The following LYPD6B variants were observed in gnomAD, a reference collection of about 807,000 sequenced individuals.
LYPD6B encodes LY6/PLAUR domain containing 6B.
A neutral mutation model predicts 22.8 loss-of-function variants in LYPD6B; 17 were observed. The observed-to-expected ratio is 0.75, with a 90% CI of 0.51 to 1.12. LYPD6B has a LOEUF of 1.12. LYPD6B is among the 50% of genes most tolerant of loss of function. The pLI is 0.00. For synonymous variants in LYPD6B, 106 were observed against 91.6 expected (o/e 1.16, Z -0.90); for missense variants, 221 against 258.3 (o/e 0.86, Z 0.99).
At chr2:149,144,388 T>TTTTG (rs942599547) in intron 2 of LYPD6B, among the ~76,000 whole-genome samples, 2 of 152,072 alleles carry the variant, frequency 1.3e-5, no homozygotes, top group Non-Finnish European at 1.5e-5. Context: ...TTTTGTTTGT[T>TTTTG]TTTGTTTGTT....
chr2:149,120,531 C>T (rs1416757056), intron 1 of LYPD6B, among the ~76,000 whole-genome samples: 16 of 148,216 alleles, frequency 1.1e-4, no homozygotes, highest in Non-Finnish European at 1.6e-4. Context: ...TACAGGCGCC[C>T]GCCACCACAC....
At chr2:149,185,821 C>T (rs1692059579) in intron 3 of LYPD6B, among the ~76,000 whole-genome samples, 1 of 152,174 alleles carries the variant, frequency 6.6e-6, no homozygotes, top group South Asian at 2.1e-4. Context: ...CAAACTTCCT[C>T]ATTATTATTA....
At chr2:149,199,722 C>T (rs772569261) in intron 3 of LYPD6B, among the ~76,000 whole-genome samples, 2 of 152,070 alleles carry the variant, frequency 1.3e-5, no homozygotes, top group Non-Finnish European at 2.9e-5. Context: ...TAAAATAATT[C>T]ATATTTAAAC....
intron 2 of LYPD6B, among the ~76,000 whole-genome samples, chr2:149,134,997 C>T (rs775679356): frequency 6.6e-6 from 1 of 152,206 alleles, no homozygotes; most frequent in Non-Finnish European, 1.5e-5. Flanking sequence ...GTAATCCCAG[C>T]ACTTTGGGAG....
intron 1 of LYPD6B, among the ~76,000 whole-genome samples, chr2:149,104,758 GTGTTATA>G (rs542730627): frequency 1.8e-3 from 277 of 152,130 alleles, no homozygotes; most frequent in African/African-American, 5.8e-3. Flanking sequence ...CTTGCTTTTA[GTGTTATA>G]TGTAAGAAAT....
At chr2:149,165,193 A>G (rs1690343693) in intron 3 of LYPD6B, among the ~76,000 whole-genome samples, 2 of 152,174 alleles carry the variant, frequency 1.3e-5, no homozygotes, top group Non-Finnish European at 2.9e-5. Context: ...CAAGAGGACA[A>G]GAGCAAAAAC....
intron 1 of LYPD6B, among the ~76,000 whole-genome samples, chr2:149,070,134 A>T (rs997625928): frequency 6.6e-5 from 10 of 152,076 alleles, no homozygotes; most frequent in Admixed American, 2.0e-4. Flanking sequence ...CTTGGGGCGT[A>T]TTCCTTCCAT....
At chr2:149,198,958 A>G (rs540267112) in intron 3 of LYPD6B, among the ~76,000 whole-genome samples, 2 of 152,316 alleles carry the variant, frequency 1.3e-5, no homozygotes, top group South Asian at 4.2e-4. Context: ...CTTGGTTGCA[A>G]TAGAGAGAAT....
At chr2:149,061,312 G>A (rs1042374904) in intron 1 of LYPD6B, among the ~76,000 whole-genome samples, 2 of 151,890 alleles carry the variant, frequency 1.3e-5, no homozygotes, top group Non-Finnish European at 2.9e-5. Context: ...TCCTTGCAGT[G>A]CATTCTTGAA....
intron 1 of LYPD6B, among the ~76,000 whole-genome samples, chr2:149,052,533 T>C (rs6704668): frequency 0.84 from 128,035 of 152,206 alleles, 54,408 homozygotes; most frequent in East Asian, 0.98. Context: ...GAAGAATTTA[T>C]TCGTGGAAAA....
intron 2 of LYPD6B, among the ~76,000 whole-genome samples, chr2:149,154,895 T>G (rs189323057): frequency 2.1e-4 from 32 of 152,160 alleles, no homozygotes; most frequent in Non-Finnish European, 2.9e-5. Context: ...CGCGAAATAC[T>G]CACAATCCAA....
rs190170846 is a variant in LYPD6B at position 149,192,685 on chromosome 2, C to T, written c.78-12568C>T. Among the ~76,000 whole-genome samples, 354 of 152,110 alleles carry T rather than the reference C, an allele frequency of 2.3e-3. 3 individuals are homozygous for T. The highest frequency in any genetic ancestry group is 7.7e-3 in the African/African-American group (321 of 41,490). On this transcript the variant is annotated intron_variant, in intron 3 of 6. Coordinates refer to ENST00000409642, the MANE Select transcript of LYPD6B (RefSeq NM_177964.5). Reference sequence around the variant, plus strand: ...GGATGTGGAGAGGATTAATTAGTTTCGGATGGGAAAGTTCTTTGAAGATGA... The same window carrying T: ...GGATGTGGAGAGGATTAATTAGTTTTGGATGGGAAAGTTCTTTGAAGATGA...
intron 1 of LYPD6B, among the ~76,000 whole-genome samples, chr2:149,099,942 C>T (rs1242628342): frequency 1.3e-5 from 2 of 152,204 alleles, no homozygotes. Flanking sequence ...CCTCACAGAG[C>T]TGTTCTGGGC....
Position 149,213,104 on chromosome 2 carries a change from C to T in LYPD6B, c.441C>T (p.Ser147=), listed in dbSNP as rs758330782. The change falls in exon 6 of 7, where the codon AGC becomes AGT. Residue 147 remains serine (S), a synonymous_variant. Transcript: ENST00000409642. ...SECHFVGCHH[S]RDSEHTECRS... ...GTCATTTTGTCGGTTGCCACCACAG[C>T]CGAGATTCTGAACATACGGTAAGGA... is the stretch of plus-strand genomic sequence containing the variant. The T allele has an allele frequency of 1.9e-6, 3 of 1,613,682 alleles. No individual in the cohort carries two copies. Among genetic ancestry groups the T allele is most frequent in the South Asian group, 2.2e-5 (2 of 91,060 alleles).
chr2:149,070,816 A>G (rs974804745), intron 1 of LYPD6B, among the ~76,000 whole-genome samples: 1 of 152,248 alleles, frequency 6.6e-6, no homozygotes, highest in Non-Finnish European at 1.5e-5. Context: ...CTGTGAAACC[A>G]GTAAACACCT....
chr2:149,126,340 T>C (rs1490072622), intron 1 of LYPD6B, among the ~76,000 whole-genome samples: 1 of 152,134 alleles, frequency 6.6e-6, no homozygotes, highest in Non-Finnish European at 1.5e-5. Flanking sequence ...CCCCCAAAAC[T>C]TAACTACTTA....
Position 149,174,980 on chromosome 2 carries a change from G to A in LYPD6B, c.77+14145G>A, listed in dbSNP as rs200841484. ...AAAAAAAATTTATAGTCTAGTGAAG[G>A]GAAGAGATATATAATTATAATACTC... is the stretch of plus-strand genomic sequence containing the variant. On this transcript the variant is annotated intron_variant, in intron 3 of 6. Transcript: ENST00000409642. Among the ~76,000 whole-genome samples, 7 of 148,568 alleles carry A rather than the reference G, an allele frequency of 4.7e-5. No homozygotes were observed. The East Asian group carries it at 1.4e-3, about 30-fold the overall frequency.
At chr2:149,165,748 G>A (rs1690376118) in intron 3 of LYPD6B, among the ~76,000 whole-genome samples, 1 of 152,168 alleles carries the variant, frequency 6.6e-6, no homozygotes, top group Admixed American at 6.5e-5. Flanking sequence ...CACTCCAGGA[G>A]GTCAGGCTTC....
At chr2:149,147,705 G>T (rs1169764923) in intron 2 of LYPD6B, among the ~76,000 whole-genome samples, 1 of 151,942 alleles carries the variant, frequency 6.6e-6, no homozygotes, top group African/African-American at 2.4e-5. Flanking sequence ...GTAGAGACAG[G>T]GTTTCACCAC....
Sources: gnomAD v4.1 joint callset for allele counts (sites outside exome capture counted in the v4.1 genomes callset) on GRCh38, gnomAD v4.1.1 for gene constraint, MANE v1.5 for transcripts, NCBI Gene and HGNC (gene_info 2026-07-23, HGNC 2026-07-21) for gene names.